The following SLC12A3 variants were observed in gnomAD, a reference collection of about 807,000 sequenced individuals.
SLC12A3 encodes the protein Na-Cl cotransporter.
Under a neutral mutation model 121.0 loss-of-function variants are expected in SLC12A3, and 104 were observed. The ratio of observed to expected loss-of-function variants is 0.86; its 90% CI spans 0.73 to 1.01. The LOEUF is 1.01. Among genes scored for constraint, SLC12A3 ranks in the 50% least tolerant of loss-of-function variants. SLC12A3 has a pLI of 0.00. For synonymous variants in SLC12A3, 536 were observed against 533.4 expected, an observed-to-expected ratio of 1.00 and a Z score of -0.07; for missense variants, 1,328 against 1,356.3, an observed-to-expected ratio of 0.98 and a Z score of 0.33.
rs753198352 is a variant in SLC12A3 at position 56,872,421 on chromosome 16, C to A, written c.923C>A (p.Pro308Gln). 1 of 1,614,120 alleles carries A rather than the reference C, an allele frequency of 6.2e-7. No homozygotes were observed. ...TATTTAGTGGGGACGCTGATCCCCC[C>A]ATCTGAGGACAAGGCCTCCAAAGGC... The part of the protein sequence containing the change: ...ANYLVGTLIP[P>Q]SEDKASKGFF... Residue 308 changes from proline to glutamine, a missense_variant, in exon 7 of 26, where the codon CCA (proline) becomes CAA (glutamine). Transcript: ENST00000563236.
In SLC12A3 at chr16:56,894,513, G is replaced by C; in HGVS notation, c.2522-18G>C. On this transcript the variant is annotated intron_variant, in intron 21 of 25. Transcript: ENST00000563236. The stretch of plus-strand genomic sequence containing the variant: ...TGAGTGTATTCTTGTCATGACTCAC[G>C]GGGACTCTCCTTGCCAGGCCTCACC... 1 of 1,578,628 alleles carries C rather than the reference G, an allele frequency of 6.3e-7. No individual in the cohort carries two copies. Among genetic ancestry groups the C allele is most frequent in the Non-Finnish European group, 8.7e-7 (1 of 1,150,080 alleles).
chr16:56,902,611 C>T, intron 24 of SLC12A3, 103 bp downstream of exon 24: 1 of 1,424,586 alleles, frequency 7.0e-7, no homozygotes, highest in Non-Finnish European at 9.7e-7. Context: ...GATCCTCCAC[C>T]CTGCCTTCCA....
At position 56,892,128 on chromosome 16, in the gene SLC12A3, C is replaced by G; in HGVS notation, c.2414C>G (p.Ala805Gly). The G allele has an allele frequency of 1.2e-6, 2 of 1,613,880 alleles. No homozygotes were observed. The highest frequency in any genetic ancestry group is 1.7e-6 in the Non-Finnish European group (2 of 1,179,832). The change falls in exon 20 of 26, where the codon GCC (alanine) becomes GGC (glycine). Residue 805 changes from alanine (A) to glycine (G), a missense_variant. Transcript: ENST00000563236. Reference sequence around the variant, plus strand: ...GCGGAGGACGGGAAGGAAGCCAGCGCCAGAGGTGCCAGGCCATCAGTCTCT... The same window carrying G: ...GCGGAGGACGGGAAGGAAGCCAGCGGCAGAGGTGCCAGGCCATCAGTCTCT... ...DPAEDGKEAS[A>G]RVDPKALVKE... is the part of the protein sequence containing the mutation.
At chr16:56,882,281 C>T (rs1324553005) in intron 12 of SLC12A3, 115 bp from the exon 13 acceptor site, 2 of 812,830 alleles carry the variant, frequency 2.5e-6, no homozygotes, top group Non-Finnish European at 2.2e-6. Context: ...AAGGTTGAGA[C>T]TGACTGAGCC....
At chr16:56,908,162 T>TC (rs2055633847) in intron 25 of SLC12A3, among the ~76,000 whole-genome samples, 2 of 34,066 alleles carry the variant, frequency 5.9e-5, no homozygotes, top group East Asian at 9.0e-4. Context: ...GTGATATAAC[T>TC]TTTTTTTTTT....
At position 56,877,158 on chromosome 16, in the gene SLC12A3, G is replaced by A. The variant is rs182830190; in HGVS notation, c.1096-919G>A. ...TGTAATCCCAGCACTTTGGGAGGCT[G>A]AGGTGGGTGGATCACTTGAGGTCAG... On this transcript the variant is annotated intron_variant, in intron 8 of 25. Coordinates refer to ENST00000563236, the MANE Select transcript of SLC12A3 (RefSeq NM_001126108.2). 2.8e-3 allele frequency among the ~76,000 whole-genome samples: 432 copies of A among 152,340 alleles called. 7 individuals carry two copies. Among genetic ancestry groups the A allele is most frequent in the Non-Finnish European group, 8.4e-4 (57 of 68,032 alleles).
At chr16:56,905,439 G>A (rs2055596156) in intron 25 of SLC12A3, among the ~76,000 whole-genome samples, 1 of 151,896 alleles carries the variant, frequency 6.6e-6, no homozygotes, top group African/African-American at 2.4e-5. Flanking sequence ...GTAAGTAACT[G>A]GCCTCTCCTA....
In SLC12A3 at chr16:56,870,208, T is replaced by C; in HGVS notation, c.714T>C (p.Phe238=). ...GTGTGGCCATGCACACGGTGGGCTTTGCAGAGACCGTGCGGGACCTGCTCC... is the reference window on the plus strand; with the variant it reads ...GTGTGGCCATGCACACGGTGGGCTTCGCAGAGACCGTGCGGGACCTGCTCC... ...AVGVAMHTVG[F]AETVRDLLQE... Residue 238 remains phenylalanine, a synonymous_variant, in exon 5 of 26, where the codon TTT becomes TTC. Coordinates refer to ENST00000563236, the MANE Select transcript of SLC12A3 (RefSeq NM_001126108.2). 1 of 1,613,906 alleles carries C rather than the reference T, an allele frequency of 6.2e-7. No individual in the cohort carries two copies. Among genetic ancestry groups the C allele is most frequent in the Non-Finnish European group, 8.5e-7 (1 of 1,180,046 alleles).
intron 22 of SLC12A3, among the ~76,000 whole-genome samples, chr16:56,896,526 TG>T (rs1279824764): frequency 6.6e-6 from 1 of 152,170 alleles, no homozygotes; most frequent in Admixed American, 6.5e-5. Context: ...GGCAGGGGAT[TG>T]CTTGAGGCCA....
At chr16:56,900,819 C>CA (rs2055528299) in intron 23 of SLC12A3, among the ~76,000 whole-genome samples, 1 of 152,216 alleles carries the variant, frequency 6.6e-6, no homozygotes, top group Admixed American at 6.5e-5. Context: ...GCGTGAGCCA[C>CA]TGCGCCCAGC....
chr16:56,878,995 C>G, intron 9 of SLC12A3, 78 bp from the exon 10 acceptor site: 1 of 1,529,718 alleles, frequency 6.5e-7, no homozygotes, highest in Non-Finnish European at 8.9e-7. Flanking sequence ...GCACCTCGCC[C>G]TCTGCAGAGG....
rs539007224 is a variant in SLC12A3, at chr16:56,889,131, C to G, written c.2285+1100C>G. On this transcript the variant is annotated intron_variant, in intron 18 of 25. Coordinates refer to ENST00000563236, the MANE Select transcript of SLC12A3 (RefSeq NM_001126108.2). ...GTTGATGTTGTTGTGTGAGGTATCA[C>G]TGAACAACATGAGGCTGAGGGTTGG... Among the ~76,000 whole-genome samples, 848 of 152,322 alleles carry G rather than the reference C, an allele frequency of 5.6e-3. 16 individuals are homozygous for G. The highest frequency in any genetic ancestry group is 0.038 in the South Asian group (184 of 4,826).
At position 56,886,954 on chromosome 16, in the gene SLC12A3, G is replaced by A. The variant is rs776090089; in HGVS notation, c.2039G>A (p.Gly680Glu). Reference protein sequence around the residue: ...SLMICGHVLIGPHKQRMPELQ... With the variant: ...SLMICGHVLIEPHKQRMPELQ... ...GTCCCCTGCCCCTCCCACCCACAGG[G>A]ACCCCACAAGCAGAGGATGCCTGAG... The change falls in exon 17 of 26, where the codon GGA becomes GAA. Residue 680 changes from glycine (G) to glutamate (E), a missense_variant and splice_region_variant. By Grantham distance (98) the Gly-to-Glu change is moderately conservative (BLOSUM62 -2). Transcript: ENST00000563236. The A allele has an allele frequency of 1.9e-6, 3 of 1,613,458 alleles. No homozygotes were observed. Among genetic ancestry groups the A allele is most frequent in the Non-Finnish European group, 2.5e-6 (3 of 1,179,986 alleles).
At chr16:56,899,822 G>A (rs1402786648) in intron 23 of SLC12A3, among the ~76,000 whole-genome samples, 1 of 152,262 alleles carries the variant, frequency 6.6e-6, no homozygotes, top group Non-Finnish European at 1.5e-5. Flanking sequence ...ACAGGGCAAG[G>A]CGGCTGCAGC....
rs1474190126 is a variant in SLC12A3 at position 56,915,847 on chromosome 16, G to A, written c.*2442G>A. On this transcript the variant is annotated 3_prime_UTR_variant, in exon 26 of 26. Coordinates refer to ENST00000563236, the MANE Select transcript of SLC12A3 (RefSeq NM_001126108.2). ...TAAAAACGGTGGTCATTCAGTCAACGGAACTTATTTGTTTTGGAACACACT... is the reference window on the plus strand; with the variant it reads ...TAAAAACGGTGGTCATTCAGTCAACAGAACTTATTTGTTTTGGAACACACT... 6.6e-6 allele frequency: 1 copy of A among 152,160 alleles called. No homozygotes were observed. Among genetic ancestry groups the A allele is most frequent in the Non-Finnish European group, 1.5e-5 (1 of 68,036 alleles). The allele number at this position is 152,160 out of a possible 1,614,324, so 9.4% of individuals were successfully genotyped here.
At chr16:56,870,290 C>T (rs1488297155) in intron 5 of SLC12A3, 55 bp downstream of exon 5, 1 of 1,573,384 alleles carries the variant, frequency 6.4e-7, no homozygotes, top group Non-Finnish European at 8.6e-7. Flanking sequence ...CCATTGCACT[C>T]TCCTCCGCCC....
intron 25 of SLC12A3, among the ~76,000 whole-genome samples, chr16:56,905,179 A>C (rs1391763857): frequency 1.3e-5 from 2 of 152,006 alleles, no homozygotes; most frequent in African/African-American, 4.8e-5. Flanking sequence ...GTCTCTACTA[A>C]AAATACAAAA....
chr16:56,893,066 C>T lies in SLC12A3; in HGVS notation c.2521+12C>T. 6.2e-7 allele frequency: 1 copy of T among 1,609,316 alleles called. No individual in the cohort carries two copies. The highest frequency in any genetic ancestry group is 8.5e-7 in the Non-Finnish European group (1 of 1,175,750). On this transcript the variant is annotated intron_variant, in intron 21 of 25. Coordinates refer to ENST00000563236, the MANE Select transcript of SLC12A3 (RefSeq NM_001126108.2). ...CTTTGACGATGGAGGTCAGTGACCC[C>T]CTTGGATCAGCCCTCCTGCCCGGCG...
chr16:56,878,922 G>A lies in SLC12A3; in HGVS notation c.1181-151G>A, dbSNP rs1412352630. On this transcript the variant is annotated intron_variant, in intron 9 of 25. Coordinates refer to ENST00000563236, the MANE Select transcript of SLC12A3 (RefSeq NM_001126108.2). ...ATTGTAAAGTACTTATCATGGCTCC[G>A]GGCACACCTTCATTGTCATCATTAT... The A allele has an allele frequency of 5.8e-5, 56 of 957,730 alleles. No homozygotes were observed. In the South Asian group the frequency reaches 5.9e-4, roughly 10 times the overall value. 59.3% of individuals were successfully genotyped at this position (957,730 alleles called of 1,614,324 possible). A position where few individuals can be genotyped will look rare whatever the true frequency, so the allele number is the denominator to read the frequency against.
Sources: allele counts gnomAD v4.1 joint callset (sites outside exome capture counted in the v4.1 genomes callset), GRCh38; gene constraint gnomAD v4.1.1; transcripts MANE v1.5; gene names NCBI Gene and HGNC (gene_info 2026-07-23, HGNC 2026-07-21).